RAD17: variants seen among roughly 807,000 people sequenced by gnomAD.
RAD17 encodes cell cycle checkpoint protein RAD17.
In RAD17, 31 loss-of-function variants were observed where a neutral mutation model predicts 81.5. The observed-to-expected ratio is 0.38, with a 90% CI of 0.29 to 0.51. The LOEUF is 0.51. RAD17 is among the 20% of genes least tolerant of loss of function. RAD17 has a pLI of 0.88. For missense variants in RAD17, 681 were observed against 781.2 expected (o/e 0.87, Z 1.53); for synonymous variants, 261 against 266.2 (o/e 0.98, Z 0.19).
In RAD17 at chr5:69,389,075, G is replaced by C. The variant is rs1449288786; in HGVS notation, c.936G>C (p.Glu312Asp). ...KITVPDKTSL[E>D]LLCQGCSGDI... The stretch of plus-strand genomic sequence containing the variant: ...CTGTCCCTGACAAAACTTCTCTAGA[G>C]TTGCTCTGTCAGGGATGTTCTGGTG... The change falls in exon 12 of 19, where the codon GAG becomes GAC. Residue 312 changes from glutamate (E) to aspartate (D), a missense_variant. Transcript: ENST00000354868. The C allele has an allele frequency of 1.9e-6, 3 of 1,555,572 alleles. No individual in the cohort carries two copies. In the African/African-American group the frequency reaches 4.1e-5, roughly 21 times the overall value.
Position 69,396,485 on chromosome 5 carries a change from A to G in RAD17, c.1511A>G (p.Gln504Arg). 6.2e-7 allele frequency: 1 copy of G among 1,613,554 alleles called. No individual in the cohort carries two copies. The highest frequency in any genetic ancestry group is 8.5e-7 in the Non-Finnish European group (1 of 1,179,728). ...SNKARGYAHC[Q>R]GGGSSFRPLH... ...AAAGCCCGAGGATATGCTCATTGCC[A>G]AGGAGGAGGATCAAGTTTTCGACCC... Residue 504 changes from glutamine (Q) to arginine (R), a missense_variant, in exon 16 of 19, where the codon CAA (glutamine) becomes CGA (arginine). Coordinates refer to ENST00000354868, the MANE Select transcript of RAD17 (RefSeq NM_133338.3).
chr5:69,407,752 A>G (rs974436902), intron 17 of RAD17, among the ~76,000 whole-genome samples: 5 of 151,782 alleles, frequency 3.3e-5, no homozygotes, highest in Non-Finnish European at 7.4e-5. Flanking sequence ...GGGTTTCGCC[A>G]TGTTGGCCAG....
At chr5:69,370,840 C>A (rs1762920957) in intron 1 of RAD17, 195 bp from the exon 2 acceptor site, 1 of 213,470 alleles carries the variant, frequency 4.7e-6, no homozygotes, top group South Asian at 6.0e-5. Flanking sequence ...GTCCAGTATA[C>A]TTTCCAATGT....
intron 11 of RAD17, among the ~76,000 whole-genome samples, chr5:69,387,784 G>T (rs1053565516): frequency 2.6e-5 from 4 of 152,104 alleles, no homozygotes; most frequent in East Asian, 1.9e-4. Flanking sequence ...TTGAACCCAG[G>T]GGGTGGAGGT....
upstream of RAD17, chr5:69,369,408 C>T (rs1247120557): frequency 6.3e-7 from 1 of 1,594,350 alleles, no homozygotes; most frequent in East Asian, 2.3e-5. Flanking sequence ...ATGCCCAGAG[C>T]ACTCTGCGCC....
At position 69,414,367 on chromosome 5, in the gene RAD17, A is replaced by G. The variant is rs1372524230; in HGVS notation, c.*75A>G. 6.9e-7 allele frequency: 1 copy of G among 1,457,942 alleles called. No homozygotes were observed. Among genetic ancestry groups the G allele is most frequent in the Non-Finnish European group, 9.4e-7 (1 of 1,065,174 alleles). 90.3% of individuals were successfully genotyped at this position (1,457,942 alleles called of 1,614,324 possible). On this transcript the variant is annotated 3_prime_UTR_variant, in exon 19 of 19. Coordinates refer to ENST00000354868, the MANE Select transcript of RAD17 (RefSeq NM_133338.3). ...ATTCAGTGGTACTTCAGCAGAGTTA[A>G]TATGCTTTTCTGATGAATTACACAA...
chr5:69,372,428 C>A (rs1166923352), intron 4 of RAD17, among the ~76,000 whole-genome samples: 1 of 152,176 alleles, frequency 6.6e-6, no homozygotes, highest in Non-Finnish European at 1.5e-5. Flanking sequence ...AATAGCTCAA[C>A]TGTGGCTGAG....
chr5:69,369,330 G>T, upstream of RAD17: 1 of 893,306 alleles, frequency 1.1e-6, no homozygotes, highest in Non-Finnish European at 1.5e-6. Context: ...CCGGGGCGCT[G>T]ACAACCGCCT....
chr5:69,369,486 A>G (rs761391664), upstream of RAD17: 1 of 1,611,296 alleles, frequency 6.2e-7, no homozygotes. Context: ...GTTCGGAAGC[A>G]ACATGGTCCC....
At chr5:69,404,971 AAAG>A (rs1452200746) in intron 17 of RAD17, among the ~76,000 whole-genome samples, 1 of 152,092 alleles carries the variant, frequency 6.6e-6, no homozygotes, top group Non-Finnish European at 1.5e-5. Flanking sequence ...ACATTTCTTA[AAAG>A]AAGACTGGCC....
intron 18 of RAD17, among the ~76,000 whole-genome samples, chr5:69,413,088 A>C (rs1766112176): frequency 6.6e-6 from 1 of 152,040 alleles, no homozygotes; most frequent in South Asian, 2.1e-4. Flanking sequence ...TTGTTTTATA[A>C]GTTGTCCATG....
intron 12 of RAD17, 128 bp downstream of exon 12, chr5:69,389,273 CAG>C (rs1764400835): frequency 2.1e-6 from 1 of 470,792 alleles, no homozygotes; most frequent in Non-Finnish European, 3.6e-6. Context: ...ATTACTGAGA[CAG>C]TGGCTTAAAA....
chr5:69,410,621 A>G (rs1765914025), intron 18 of RAD17, 71 bp downstream of exon 18: 3 of 1,351,828 alleles, frequency 2.2e-6, no homozygotes, highest in East Asian at 2.3e-5. Context: ...GTATGAATCA[A>G]TAACTGTTAC....
chr5:69,377,662 T>C (rs375971847), intron 6 of RAD17, among the ~76,000 whole-genome samples: 1 of 45,608 alleles, frequency 2.2e-5, no homozygotes, highest in African/African-American at 5.7e-5. Context: ...TATATATATG[T>C]ATACATATAT....
chr5:69,407,628 G>C (rs1765705484), intron 17 of RAD17, among the ~76,000 whole-genome samples: 1 of 127,738 alleles, frequency 7.8e-6, no homozygotes, highest in African/African-American at 3.0e-5. Flanking sequence ...CCAGGCTGGA[G>C]TGCGGTAGCA....
chr5:69,405,781 C>G (rs1177615430), intron 17 of RAD17, among the ~76,000 whole-genome samples: 1 of 152,068 alleles, frequency 6.6e-6, no homozygotes. Flanking sequence ...GTGGCTCATG[C>G]CTGTAATCCC....
At chr5:69,369,480 G>T, upstream of RAD17, 1 of 1,611,236 alleles carries the variant, frequency 6.2e-7, no homozygotes, top group Non-Finnish European at 8.5e-7. Context: ...CAGGATGTTC[G>T]GAAGCAACAT....
chr5:69,372,908 C>T (rs1763095767), intron 4 of RAD17, among the ~76,000 whole-genome samples: 1 of 152,178 alleles, frequency 6.6e-6, no homozygotes, highest in African/African-American at 2.4e-5. Context: ...CCACACCCAA[C>T]CATTCCCAGG....
In RAD17 at chr5:69,389,051, T is replaced by A; in HGVS notation, c.912T>A (p.Thr304=). The change falls in exon 12 of 19, where the codon ACT becomes ACA. Residue 304 remains threonine, a synonymous_variant. Coordinates refer to ENST00000354868, the MANE Select transcript of RAD17 (RefSeq NM_133338.3). ...TATTTTAGAATGGAGGAAAAATTACTGTCCCTGACAAAACTTCTCTAGAGT... is the reference window on the plus strand; with the variant it reads ...TATTTTAGAATGGAGGAAAAATTACAGTCCCTGACAAAACTTCTCTAGAGT... ...IEANKNGGKI[T]VPDKTSLELL... 6.7e-7 allele frequency: 1 copy of A among 1,493,328 alleles called. No homozygotes were observed. The highest frequency in any genetic ancestry group is 8.9e-7 in the Non-Finnish European group (1 of 1,119,892). 92.5% of individuals were successfully genotyped at this position (1,493,328 alleles called of 1,614,324 possible).
Sources: allele counts gnomAD v4.1 joint callset (sites outside exome capture counted in the v4.1 genomes callset), GRCh38; gene constraint gnomAD v4.1.1; transcripts MANE v1.5; gene names NCBI Gene and HGNC (gene_info 2026-07-23, HGNC 2026-07-21).